DPYD: variants seen among roughly 807,000 people sequenced by gnomAD.
DPYD encodes the protein dihydropyrimidine dehydrogenase [NADP(+)].
A neutral mutation model predicts 116.2 loss-of-function variants in DPYD; 109 were observed. The observed-to-expected ratio is 0.94, with a 90% CI of 0.80 to 1.10. The LOEUF (loss-of-function observed/expected upper bound fraction) is 1.10, where lower values mean the gene tolerates loss of function less well. DPYD is among the 50% of genes least tolerant of loss of function. DPYD has a pLI of 0.00. For synonymous variants in DPYD, 440 were observed against 432.0 expected, an observed-to-expected ratio of 1.02 and a Z score of -0.23; for missense variants, 1,302 against 1,254.5, an observed-to-expected ratio of 1.04 and a Z score of -0.57.
intron 2 of DPYD, among the ~76,000 whole-genome samples, chr1:97,844,925 G>A (rs745319351): frequency 2.0e-5 from 3 of 152,212 alleles, no homozygotes; most frequent in Admixed American, 6.5e-5. Context: ...AGGTGCTGTC[G>A]CAACCTGGCT....
At chr1:97,696,793 C>T (rs1661331157) in intron 6 of DPYD, among the ~76,000 whole-genome samples, 1 of 152,094 alleles carries the variant, frequency 6.6e-6, no homozygotes, top group Non-Finnish European at 1.5e-5. Context: ...CAGTTTATTA[C>T]TATAGAGATA....
intron 20 of DPYD, among the ~76,000 whole-genome samples, chr1:97,128,243 T>C (rs947210073): frequency 6.6e-6 from 1 of 152,188 alleles, no homozygotes; most frequent in African/African-American, 2.4e-5. Context: ...TCATATATAT[T>C]ATTTAGGCTA....
chr1:97,600,103 C>T (rs1655157577), intron 8 of DPYD, among the ~76,000 whole-genome samples: 1 of 151,888 alleles, frequency 6.6e-6, no homozygotes, highest in Admixed American at 6.6e-5. Context: ...CTGAACTCTA[C>T]AGGAACACCA....
chr1:97,099,301 T>C (rs1650490945), intron 20 of DPYD, among the ~76,000 whole-genome samples: 1 of 152,126 alleles, frequency 6.6e-6, no homozygotes, highest in South Asian at 2.1e-4. Context: ...ATTACAGTGC[T>C]TAAACAAACT....
intron 18 of DPYD, among the ~76,000 whole-genome samples, chr1:97,239,762 T>C (rs184671164): frequency 3.7e-4 from 56 of 152,246 alleles, no homozygotes; most frequent in Admixed American, 3.6e-3. Flanking sequence ...TAGTTCCATT[T>C]ATAAGCTGTG....
intron 16 of DPYD, among the ~76,000 whole-genome samples, chr1:97,358,541 C>T (rs977155647): frequency 6.6e-6 from 1 of 152,162 alleles, no homozygotes; most frequent in South Asian, 2.1e-4. Flanking sequence ...CTGGGAGACA[C>T]CTCTCAGTAG....
In DPYD at chr1:97,784,498, A is replaced by G. The variant is rs1016586739; in HGVS notation, c.233+43616T>C. Among the ~76,000 whole-genome samples the G allele has an allele frequency of 6.6e-5, 10 of 152,216 alleles. No individual in the cohort carries two copies. In the East Asian group the frequency reaches 1.9e-3, roughly 29 times the overall value. On this transcript the variant is annotated intron_variant, in intron 3 of 22. Coordinates refer to ENST00000370192, the MANE Select transcript of DPYD (RefSeq NM_000110.4). The stretch of plus-strand genomic sequence containing the variant: ...TAAATATATGTAGTTTTATAAGACT[A>G]AACTATCTTTCTGAAGAAGTGTAGT...
At chr1:97,712,174 T>C (rs1004393508) in intron 5 of DPYD, among the ~76,000 whole-genome samples, 1 of 151,970 alleles carries the variant, frequency 6.6e-6, no homozygotes, top group Non-Finnish European at 1.5e-5. Flanking sequence ...TCTGTCTCTC[T>C]ACTTTAGGAG....
intron 3 of DPYD, among the ~76,000 whole-genome samples, chr1:97,786,613 T>C (rs1667048736): frequency 6.6e-6 from 1 of 152,208 alleles, no homozygotes; most frequent in Non-Finnish European, 1.5e-5. Flanking sequence ...GTATAAGTCA[T>C]TTTATTAGCT....
chr1:97,169,129 T>C (rs1418724550), intron 20 of DPYD, among the ~76,000 whole-genome samples: 1 of 152,194 alleles, frequency 6.6e-6, no homozygotes, highest in African/African-American at 2.4e-5. Flanking sequence ...ATTACAGGCA[T>C]GAGCCACTAC....
intron 12 of DPYD, among the ~76,000 whole-genome samples, chr1:97,530,064 G>T (rs187751666): frequency 6.6e-6 from 1 of 151,856 alleles, no homozygotes; most frequent in East Asian, 1.9e-4. Context: ...CATATAGAGG[G>T]AATCATGCAG....
At chr1:97,647,920 T>G (rs1318151924) in intron 8 of DPYD, among the ~76,000 whole-genome samples, 1 of 152,038 alleles carries the variant, frequency 6.6e-6, no homozygotes, top group Non-Finnish European at 1.5e-5. Flanking sequence ...CAATTACTGA[T>G]GACTCAACTC....
chr1:97,418,580 G>A (rs891574474), intron 14 of DPYD, among the ~76,000 whole-genome samples: 1 of 152,098 alleles, frequency 6.6e-6, no homozygotes, highest in Admixed American at 6.6e-5. Context: ...GATTAAAGGC[G>A]TGAGTCACTG....
chr1:97,177,672 T>C (rs927547774), intron 20 of DPYD, among the ~76,000 whole-genome samples: 39 of 151,924 alleles, frequency 2.6e-4, no homozygotes, highest in Non-Finnish European at 1.3e-4. Flanking sequence ...GCTTACTGCT[T>C]ACAAGACAGA....
chr1:97,164,243 C>T (rs1028422859), intron 20 of DPYD, among the ~76,000 whole-genome samples: 1 of 152,138 alleles, frequency 6.6e-6, no homozygotes, highest in African/African-American at 2.4e-5. Context: ...ATGTTTAAAA[C>T]TCTCAATAAA....
chr1:97,764,188 A>G (rs140033655), intron 3 of DPYD, among the ~76,000 whole-genome samples: 1 of 152,124 alleles, frequency 6.6e-6, no homozygotes, highest in African/African-American at 2.4e-5. Context: ...AGGAGGGAAG[A>G]TTACATAAAG....
At chr1:97,670,378 C>T (rs72975790) in intron 8 of DPYD, among the ~76,000 whole-genome samples, 22,567 of 152,108 alleles carry the variant, frequency 0.15, 1,829 homozygotes, top group African/African-American at 0.2. Context: ...TTTAGTTAAA[C>T]TCATGAAGGT....
intron 10 of DPYD, among the ~76,000 whole-genome samples, chr1:97,587,737 T>C (rs1202910209): frequency 1.4e-5 from 2 of 146,460 alleles, no homozygotes; most frequent in East Asian, 2.0e-4. Context: ...TGCAGGAGAA[T>C]GGCGTGAACC....
At chr1:97,590,654 C>T (rs1184983615) in intron 10 of DPYD, among the ~76,000 whole-genome samples, 1 of 152,184 alleles carries the variant, frequency 6.6e-6, no homozygotes, top group African/African-American at 2.4e-5. Flanking sequence ...AGCTCTACTG[C>T]AGGCAGGTTA....
Sources: allele counts gnomAD v4.1 joint callset (sites outside exome capture counted in the v4.1 genomes callset), GRCh38; gene constraint gnomAD v4.1.1; transcripts MANE v1.5; gene names NCBI Gene and HGNC (gene_info 2026-07-23, HGNC 2026-07-21).